COL18A1: variants seen among roughly 807,000 people sequenced by gnomAD.
The protein encoded by COL18A1 is collagen alpha-1(XVIII) chain.
A neutral mutation model predicts 168.0 loss-of-function variants in COL18A1; 133 were observed. The observed-to-expected ratio is 0.79, with a 90% confidence interval of 0.69 to 0.91. COL18A1 has a LOEUF of 0.91. Among genes scored for constraint, COL18A1 ranks in the 40% least tolerant of loss-of-function variants. The pLI is 0.00. For missense variants in COL18A1, 2,126 were observed against 1,925.4 expected, an observed-to-expected ratio of 1.10 and a Z score of -1.95; for synonymous variants, 949 against 809.0, an observed-to-expected ratio of 1.17 and a Z score of -2.94.
At chr21:45,452,659 C>G (rs934773421) in intron 2 of COL18A1, among the ~76,000 whole-genome samples, 3 of 150,348 alleles carry the variant, frequency 2.0e-5, no homozygotes, top group African/African-American at 7.4e-5. Flanking sequence ...CTTGTGTATG[C>G]ATGTATTCAT....
chr21:45,436,019 C>T (rs540272116), intron 2 of COL18A1, among the ~76,000 whole-genome samples: 4 of 152,206 alleles, frequency 2.6e-5, no homozygotes, highest in Admixed American at 6.5e-5. Flanking sequence ...CCACTGCAGT[C>T]GGCAAGGGGG....
At chr21:45,422,095 TCTCA>T (rs2033642208) in intron 2 of COL18A1, among the ~76,000 whole-genome samples, 1 of 151,362 alleles carries the variant, frequency 6.6e-6, no homozygotes, top group Non-Finnish European at 1.5e-5. Flanking sequence ...TCACACAAGC[TCTCA>T]CACACACACG....
At chr21:45,504,655 G>A in intron 34 of COL18A1, 99 bp downstream of exon 34, 5 of 1,062,946 alleles carry the variant, frequency 4.7e-6, no homozygotes, top group Non-Finnish European at 5.5e-6. Flanking sequence ...GCGAAGGCCG[G>A]AGCTGCCCCT....
Position 45,438,003 on chromosome 21 carries a change from CCTG to C in COL18A1, c.107-30237_107-30235del, listed in dbSNP as rs1346766661. Among the ~76,000 whole-genome samples the C allele has an allele frequency of 2.8e-5, 2 of 72,162 alleles. 1 individual carries two copies. The highest frequency in any genetic ancestry group is 0.015 in the Middle Eastern group (2 of 132). The allele number at this position is 72,162 out of a possible 152,430, so 47.3% of individuals were successfully genotyped here. ...ACACACTCAGACACACAGGCACTCT[CCTG>C]CACACACACACTCACTCACACACAG... On this transcript the variant is annotated intron_variant, in intron 2 of 41. Coordinates refer to ENST00000651438, the MANE Select transcript of COL18A1 (RefSeq NM_001379500.1).
chr21:45,429,613 C>T (rs1278766671), intron 2 of COL18A1, among the ~76,000 whole-genome samples: 1 of 152,198 alleles, frequency 6.6e-6, no homozygotes, highest in Non-Finnish European at 1.5e-5. Context: ...GTTTTGAGTT[C>T]TGAGCTAATG....
Position 45,512,171 on chromosome 21 carries a change from C to T in COL18A1, c.3810-17C>T. On this transcript the variant is annotated splice_polypyrimidine_tract_variant and intron_variant, in intron 41 of 41. Coordinates refer to ENST00000651438, the MANE Select transcript of COL18A1 (RefSeq NM_001379500.1). ...GAGCAGGTCTGGGTTTGACTGACGG[C>T]CCGGCGCGTCTTACAGGCCCCAGAA... 1.2e-6 allele frequency: 2 copies of T among 1,605,172 alleles called. No homozygotes were observed. The highest frequency in any genetic ancestry group is 1.7e-6 in the Non-Finnish European group (2 of 1,176,546).
At position 45,487,443 on chromosome 21, in the gene COL18A1, C is replaced by T. The variant is rs961878701; in HGVS notation, c.1834-4C>T. On this transcript the variant is annotated splice_polypyrimidine_tract_variant and splice_region_variant and intron_variant, in intron 16 of 41. Coordinates refer to ENST00000651438, the MANE Select transcript of COL18A1 (RefSeq NM_001379500.1). The stretch of plus-strand genomic sequence containing the variant: ...CCCCTACGTGTCTCGTGTGTCTCTT[C>T]CAGGATGACATGGAAGGCTCCGGGG... 3.1e-6 allele frequency: 5 copies of T among 1,612,700 alleles called. No homozygotes were observed. The African/African-American group carries it at 5.3e-5, about 17-fold the overall frequency.
At chr21:45,428,925 A>T (rs1373727165) in intron 2 of COL18A1, among the ~76,000 whole-genome samples, 1 of 144,490 alleles carries the variant, frequency 6.9e-6, no homozygotes. Flanking sequence ...TTAATTTGAG[A>T]CGGAGTCTTG....
At chr21:45,480,641 G>T in intron 12 of COL18A1, 59 bp from the exon 13 acceptor site, 2 of 1,611,622 alleles carry the variant, frequency 1.2e-6, no homozygotes, top group Non-Finnish European at 1.7e-6. Flanking sequence ...TCTGGGGGTG[G>T]TGGTCATCCC....
At chr21:45,467,296 T>C (rs1177913477) in intron 2 of COL18A1, 4 of 985,320 alleles carry the variant, frequency 4.1e-6, no homozygotes, top group Non-Finnish European at 4.8e-6. Flanking sequence ...CTTCTGACCC[T>C]GGGCTACTGA....
At chr21:45,459,728 C>T (rs547694826) in intron 2 of COL18A1, among the ~76,000 whole-genome samples, 8 of 152,170 alleles carry the variant, frequency 5.3e-5, no homozygotes, top group African/African-American at 1.7e-4. Flanking sequence ...ACGGGAGGGC[C>T]GGGGTGGGGT....
intron 39 of COL18A1, 80 bp from the exon 40 acceptor site, chr21:45,509,983 CG>C: frequency 6.8e-7 from 1 of 1,467,310 alleles, no homozygotes; most frequent in Non-Finnish European, 9.2e-7. Context: ...CACACAGGTG[CG>C]GGGCCGGGGT....
intron 32 of COL18A1, among the ~76,000 whole-genome samples, chr21:45,502,303 G>A (rs2036909263): frequency 1.3e-5 from 2 of 152,214 alleles, no homozygotes; most frequent in South Asian, 2.1e-4. Flanking sequence ...GGTTTCAGGG[G>A]AACAGTCACA....
intron 2 of COL18A1, among the ~76,000 whole-genome samples, chr21:45,438,803 C>T (rs1026539743): frequency 6.6e-6 from 1 of 152,250 alleles, no homozygotes; most frequent in Non-Finnish European, 1.5e-5. Flanking sequence ...GACACGTTAG[C>T]AGGTCTGTCT....
chr21:45,412,235 T>A (rs202210859), intron 2 of COL18A1, among the ~76,000 whole-genome samples: 1 of 133,886 alleles, frequency 7.5e-6, no homozygotes, highest in African/African-American at 2.8e-5. Context: ...GGGGGTATAT[T>A]TCTTTTTTTT....
At chr21:45,450,811 G>A (rs1216161727) in intron 2 of COL18A1, among the ~76,000 whole-genome samples, 4 of 152,218 alleles carry the variant, frequency 2.6e-5, no homozygotes, top group African/African-American at 9.6e-5. Flanking sequence ...CTCCCGGTGT[G>A]CCCACCCTGC....
At chr21:45,488,342 G>T (rs1192052645) in intron 17 of COL18A1, 76 bp from the exon 18 acceptor site, 1 of 1,597,402 alleles carries the variant, frequency 6.3e-7, no homozygotes, top group Non-Finnish European at 8.6e-7. Context: ...GTTACTAGCG[G>T]GCTTTTCTTG....
intron 2 of COL18A1, among the ~76,000 whole-genome samples, chr21:45,431,045 G>T (rs1602365874): frequency 6.6e-6 from 1 of 152,200 alleles, no homozygotes; most frequent in Admixed American, 6.5e-5. Context: ...GCAGGCACTG[G>T]TCTCTTGGCT....
intron 2 of COL18A1, among the ~76,000 whole-genome samples, chr21:45,446,606 C>G (rs1252066773): frequency 2.0e-5 from 3 of 152,218 alleles, no homozygotes; most frequent in Admixed American, 6.5e-5. Context: ...CTCACAAACT[C>G]TTTCAAAAGA....
Sources: gnomAD v4.1 joint callset for allele counts (sites outside exome capture counted in the v4.1 genomes callset) on GRCh38, gnomAD v4.1.1 for gene constraint, MANE v1.5 for transcripts, NCBI Gene and HGNC (gene_info 2026-07-23, HGNC 2026-07-21) for gene names.